Variants in CGNL1 observed in about 807,000 individuals in gnomAD.
CGNL1 encodes cingulin-like protein 1.
Under a neutral mutation model 141.2 loss-of-function variants are expected in CGNL1, and 132 were observed. That is an observed-to-expected ratio of 0.93 (90% CI 0.81 to 1.08). CGNL1 has a LOEUF of 1.08. Ranked by LOEUF, CGNL1 falls within the 50% of genes least tolerant of loss-of-function variation. The probability of loss-of-function intolerance (pLI) is 0.00; values close to 1 mark genes in which losing one functional copy is unlikely to be tolerated. For missense variants in CGNL1, 1,870 were observed against 1,588.6 expected (o/e 1.18, Z -3.01); for synonymous variants, 690 against 622.1 (o/e 1.11, Z -1.63).
At position 57,524,531 on chromosome 15, in the gene CGNL1, TG is replaced by T. The variant is rs777838271; in HGVS notation, c.2869-48del. The stretch of plus-strand genomic sequence containing the variant: ...GTGTGTTGAAATGGGACCCAGACCC[TG>T]GTCTCAGAGCATCCCAGGGTGGGCT... On this transcript the variant is annotated intron_variant, in intron 11 of 18. Coordinates refer to ENST00000281282, the MANE Select transcript of CGNL1 (RefSeq NM_032866.5). 1.9e-5 allele frequency: 29 copies of T among 1,541,228 alleles called. No homozygotes were observed. In the Admixed American group the frequency reaches 5.0e-4, roughly 26 times the overall value.
At chr15:57,474,483 T>G (rs1383747945) in intron 8 of CGNL1, among the ~76,000 whole-genome samples, 1 of 152,148 alleles carries the variant, frequency 6.6e-6, no homozygotes, top group Non-Finnish European at 1.5e-5. Context: ...AGGGGTGTCT[T>G]GTCCTTCATA....
chr15:57,503,046 T>C (rs2064048308), intron 8 of CGNL1, among the ~76,000 whole-genome samples: 1 of 152,230 alleles, frequency 6.6e-6, no homozygotes, highest in Admixed American at 6.5e-5. Flanking sequence ...ACGCACCATG[T>C]GGGATGCTTT....
rs2063127575 is a variant in CGNL1, at chr15:57,437,999, C to G, written c.-1C>G. The stretch of plus-strand genomic sequence containing the variant: ...CTCCCTGGTAGCTGGAACAGTGAAC[C>G]ATGGAGCTGTATTTCGGTGAATATC... On this transcript the variant is annotated 5_prime_UTR_variant, in exon 2 of 19. Coordinates refer to ENST00000281282, the MANE Select transcript of CGNL1 (RefSeq NM_032866.5). 1.2e-6 allele frequency: 2 copies of G among 1,609,152 alleles called. No individual in the cohort carries two copies. Among genetic ancestry groups the G allele is most frequent in the East Asian group, 4.5e-5 (2 of 44,876 alleles).
intron 8 of CGNL1, among the ~76,000 whole-genome samples, chr15:57,495,374 G>A (rs757276293): frequency 6.6e-5 from 10 of 152,174 alleles, no homozygotes; most frequent in Admixed American, 4.6e-4. Context: ...CTGAGACCTC[G>A]AGGTGGCATT....
At position 57,547,462 on chromosome 15, in the gene CGNL1, A is replaced by G. The variant is rs780401545; in HGVS notation, c.3881A>G (p.Lys1294Arg). The G allele has an allele frequency of 6.2e-7, 1 of 1,614,090 alleles. No individual in the cohort carries two copies. The highest frequency in any genetic ancestry group is 8.5e-7 in the Non-Finnish European group (1 of 1,179,956). Residue 1294 changes from lysine (K) to arginine (R), a missense_variant, in exon 19 of 19, where the codon AAG (lysine) becomes AGG (arginine). Lys to Arg is a conservative substitution (Grantham distance 26, BLOSUM62 2). Coordinates refer to ENST00000281282, the MANE Select transcript of CGNL1 (RefSeq NM_032866.5). ...GCGCCTGTGAGCTACACATTCTCCA[A>G]GGACAGCACCGTCGCCAGCCAGATC... ...YEAPVSYTFS[K>R]DSTVASQI
chr15:57,463,800 G>T (rs77773891), intron 8 of CGNL1, among the ~76,000 whole-genome samples: 6,144 of 152,190 alleles, frequency 0.04, 257 homozygotes, highest in Non-Finnish European at 0.056. Context: ...CTCTTCATAC[G>T]TGTAGAGTGA....
intron 8 of CGNL1, among the ~76,000 whole-genome samples, chr15:57,505,678 A>G (rs747402936): frequency 2.6e-5 from 4 of 152,182 alleles, no homozygotes; most frequent in Non-Finnish European, 4.4e-5. Context: ...TACCGAGACC[A>G]TGTCCTTTTC....
chr15:57,400,427 G>A (rs192581794), intron 1 of CGNL1, among the ~76,000 whole-genome samples: 255 of 152,296 alleles, frequency 1.7e-3, no homozygotes, highest in Non-Finnish European at 2.8e-3. Context: ...GTCAAGTTGT[G>A]TGTGAAGGAG....
At chr15:57,421,552 C>T (rs535087117) in intron 1 of CGNL1, among the ~76,000 whole-genome samples, 57 of 152,018 alleles carry the variant, frequency 3.7e-4, no homozygotes, top group African/African-American at 1.2e-3. Context: ...CTAAAACAAG[C>T]GTTAGGATTG....
At chr15:57,533,716 G>C (rs1304059787) in intron 14 of CGNL1, among the ~76,000 whole-genome samples, 1 of 152,198 alleles carries the variant, frequency 6.6e-6, no homozygotes, top group Non-Finnish European at 1.5e-5. Context: ...CAGAGATCTG[G>C]TCCCAGAATT....
chr15:57,480,856 TA>T (rs2063716268), intron 8 of CGNL1, among the ~76,000 whole-genome samples: 2 of 152,352 alleles, frequency 1.3e-5, no homozygotes, highest in African/African-American at 4.8e-5. Context: ...GGAACCTTCT[TA>T]CTCTCACCAG....
At chr15:57,400,150 T>C (rs529304247) in intron 1 of CGNL1, among the ~76,000 whole-genome samples, 57 of 152,208 alleles carry the variant, frequency 3.7e-4, no homozygotes, top group African/African-American at 1.3e-3. Context: ...TGCACCATCA[T>C]GCCTAGCCAA....
chr15:57,430,382 G>A (rs1201930715), intron 1 of CGNL1, among the ~76,000 whole-genome samples: 2 of 152,184 alleles, frequency 1.3e-5, no homozygotes, highest in Non-Finnish European at 2.9e-5. Flanking sequence ...CTCAAGAGGT[G>A]AAAAGGATGA....
chr15:57,517,989 T>C (rs2030951987), intron 9 of CGNL1, among the ~76,000 whole-genome samples: 1 of 63,906 alleles, frequency 1.6e-5, no homozygotes. Flanking sequence ...AGGCCAGATA[T>C]TTCTATTAAA....
chr15:57,423,141 TG>T (rs1413857080), intron 1 of CGNL1, among the ~76,000 whole-genome samples: 1 of 152,196 alleles, frequency 6.6e-6, no homozygotes, highest in Non-Finnish European at 1.5e-5. Flanking sequence ...CTTCTGCAAC[TG>T]GTTTTTGTTA....
chr15:57,413,811 G>T (rs532548750), intron 1 of CGNL1, among the ~76,000 whole-genome samples: 2 of 152,204 alleles, frequency 1.3e-5, no homozygotes, highest in East Asian at 3.9e-4. Flanking sequence ...TCTACCATCG[G>T]GCACGCTTGG....
intron 14 of CGNL1, among the ~76,000 whole-genome samples, chr15:57,534,667 G>T (rs2934449): frequency 0.68 from 103,948 of 152,020 alleles, 35,603 homozygotes; most frequent in Admixed American, 0.72. Flanking sequence ...ACTTCAAAAC[G>T]TAAGGCCGCT....
chr15:57,451,423 T>C (rs765349424), intron 4 of CGNL1, 77 bp from the exon 5 acceptor site: 14 of 1,040,890 alleles, frequency 1.3e-5, no homozygotes, highest in African/African-American at 1.3e-4. Flanking sequence ...CTGCACTGAT[T>C]ATATTTGGAG....
chr15:57,542,828 C>A (rs116828975), intron 14 of CGNL1, among the ~76,000 whole-genome samples: 1 of 152,172 alleles, frequency 6.6e-6, no homozygotes, highest in African/African-American at 2.4e-5. Flanking sequence ...TGGAAACAGC[C>A]TGAGAACATC....
Sources: gnomAD v4.1 joint callset for allele counts (sites outside exome capture counted in the v4.1 genomes callset) on GRCh38, gnomAD v4.1.1 for gene constraint, MANE v1.5 for transcripts, NCBI Gene and HGNC (gene_info 2026-07-23, HGNC 2026-07-21) for gene names.